ANAPC16: variants seen among roughly 807,000 people sequenced by gnomAD.
ANAPC16 encodes the protein anaphase-promoting complex subunit 16.
ANAPC16 carries 6 observed loss-of-function variants against 13.1 expected under a neutral mutation model. The observed-to-expected ratio is 0.46, with a 90% CI of 0.25 to 0.90. The LOEUF (loss-of-function observed/expected upper bound fraction) is 0.90, where lower values mean the gene tolerates loss of function less well. Among genes scored for constraint, ANAPC16 ranks in the 40% least tolerant of loss-of-function variants. The pLI is 0.18. For missense variants in ANAPC16, 113 were observed against 131.1 expected (o/e 0.86, Z 0.67); for synonymous variants, 55 against 51.3 (o/e 1.07, Z -0.31).
At chr10:72,232,546 A>G (rs1470455936) in intron 3 of ANAPC16, among the ~76,000 whole-genome samples, 1 of 83,656 alleles carries the variant, frequency 1.2e-5, no homozygotes. Context: ...TCCATTCCCC[A>G]CCCCCACCCC....
At chr10:72,221,430 A>ATAGGT (rs1859926926) in intron 1 of ANAPC16, among the ~76,000 whole-genome samples, 2 of 151,992 alleles carry the variant, frequency 1.3e-5, no homozygotes, top group South Asian at 4.1e-4. Flanking sequence ...ACACCAGTTT[A>ATAGGT]TAGGTGCAAC....
chr10:72,224,431 G>A (rs1860051559), intron 2 of ANAPC16, among the ~76,000 whole-genome samples: 1 of 152,068 alleles, frequency 6.6e-6, no homozygotes, highest in Non-Finnish European at 1.5e-5. Flanking sequence ...TGGCCAACAT[G>A]GTGAAACCCC....
At chr10:72,223,360 C>T (rs1860014963) in intron 1 of ANAPC16, 1 of 152,176 alleles carries the variant, frequency 6.6e-6, no homozygotes, top group Non-Finnish European at 1.5e-5. Context: ...GCCACCGTGC[C>T]TGGCCAAAAG....
rs553895367 is a variant in ANAPC16 at position 72,225,770 on chromosome 10, C to T, written c.142+1714C>T. On this transcript the variant is annotated intron_variant, in intron 2 of 3. Transcript: ENST00000299381. The stretch of plus-strand genomic sequence containing the variant: ...CAAAAAAATTAGCTGGATGTGGTGG[C>T]GCATGCCTGTAGTCCAGCTACTCAG... Among the ~76,000 whole-genome samples the T allele has an allele frequency of 3.3e-5, 5 of 151,750 alleles. No homozygotes were observed. The East Asian group carries it at 7.9e-4, about 24-fold the overall frequency.
At chr10:72,230,525 A>G in intron 3 of ANAPC16, 85 bp downstream of exon 3, 1 of 1,148,150 alleles carries the variant, frequency 8.7e-7, no homozygotes, top group Non-Finnish European at 1.3e-6. Context: ...CCCCAAACTC[A>G]GCAAGGCTAT....
chr10:72,219,714 G>A (rs1859826377), intron 1 of ANAPC16, among the ~76,000 whole-genome samples: 1 of 152,162 alleles, frequency 6.6e-6, no homozygotes, highest in African/African-American at 2.4e-5. Flanking sequence ...TCCAGCCTGG[G>A]AAACATAGCG....
At position 72,223,897 on chromosome 10, in the gene ANAPC16, A is replaced by G. The variant is rs1209909757; in HGVS notation, c.-18A>G. ...TTTTCTTTCTCTGTAGTGAAGTAAG[A>G]ACTCTGCTAGAGAGGAAATGGCTGC... On this transcript the variant is annotated 5_prime_UTR_variant, in exon 2 of 4. Transcript: ENST00000299381. 6.4e-6 allele frequency: 10 copies of G among 1,568,548 alleles called. No homozygotes were observed. Among genetic ancestry groups the G allele is most frequent in the Non-Finnish European group, 7.8e-6 (9 of 1,149,888 alleles).
chr10:72,233,059 C>A lies in ANAPC16; in HGVS notation c.276C>A (p.Asp92Glu), dbSNP rs755407083. The A allele has an allele frequency of 1.2e-6, 2 of 1,614,188 alleles. No homozygotes were observed. The highest frequency in any genetic ancestry group is 1.7e-6 in the Non-Finnish European group (2 of 1,180,026). Reference protein sequence around the residue: ...LAGLVEELEADEWRFKPIEQL... With the variant: ...LAGLVEELEAEEWRFKPIEQL... ...GTTTGGTAGAAGAGCTGGAGGCTGA[C>A]GAGTGGCGGTTTAAGCCCATCGAGC... Residue 92 changes from aspartate to glutamate, a missense_variant, in exon 4 of 4, where the codon GAC becomes GAA. Transcript: ENST00000299381.
chr10:72,216,994 C>G (rs1859468681), intron 1 of ANAPC16: 1 of 455,168 alleles, frequency 2.2e-6, no homozygotes, highest in African/African-American at 2.0e-5. Context: ...CAGCGCTTCT[C>G]TATCTCCTGC....
intron 2 of ANAPC16, among the ~76,000 whole-genome samples, chr10:72,224,357 T>C (rs1860048916): frequency 6.6e-6 from 1 of 152,118 alleles, no homozygotes. Context: ...TCACTCCTGT[T>C]ATCCCAGCAC....
rs771004110 is a variant in ANAPC16 at position 72,230,368 on chromosome 10, G to A, written c.145G>A (p.Gly49Ser). The A allele has an allele frequency of 4.9e-5, 79 of 1,613,702 alleles. No individual in the cohort carries two copies. The highest frequency in any genetic ancestry group is 6.4e-5 in the Non-Finnish European group (76 of 1,179,796). ...PKGAGEMLED[G>S]SERFLCESVF... ...ACCTTTTCTCCTTTTGTTTGTAGAT[G>A]GCTCTGAGAGATTCCTCTGCGAATC... The change falls in exon 3 of 4, where the codon GGC becomes AGC. Residue 49 changes from glycine to serine, a missense_variant and splice_region_variant. Transcript: ENST00000299381.
chr10:72,222,034 TC>T (rs1859956208), intron 1 of ANAPC16, among the ~76,000 whole-genome samples: 1 of 151,252 alleles, frequency 6.6e-6, no homozygotes, highest in Admixed American at 6.6e-5. Context: ...GGCCATTTTT[TC>T]TTTAAAAAAT....
rs1859722174 is a variant in ANAPC16, at chr10:72,218,168, ATATATATATATATATATATATAT to A, written c.-28+2031_-28+2053del. Among the ~76,000 whole-genome samples, 19 of 19,742 alleles carry A rather than the reference ATATATATATATATATATATATAT, an allele frequency of 9.6e-4. 1 individual carries two copies. Among genetic ancestry groups the A allele is most frequent in the African/African-American group, 2.3e-3 (11 of 4,800 alleles). The allele number at this position is 19,742 out of a possible 152,430, so 13.0% of individuals were successfully genotyped here. A position where few individuals can be genotyped will look rare whatever the true frequency, so the allele number is the denominator to read the frequency against. On this transcript the variant is annotated intron_variant, in intron 1 of 3. Coordinates refer to ENST00000299381, the MANE Select transcript of ANAPC16 (RefSeq NM_173473.4). The stretch of plus-strand genomic sequence containing the variant: ...CTCAAAAAAAAAAAAAAAAAAAAAT[ATATATATATATATATATATATAT>A]ATATATATATATATATATATATATA...
chr10:72,229,228 CTT>C (rs201528335), intron 2 of ANAPC16, among the ~76,000 whole-genome samples: 5 of 122,860 alleles, frequency 4.1e-5, no homozygotes, highest in Non-Finnish European at 5.3e-5. Context: ...TTCTTTTTCT[CTT>C]TTTTTTTTTT....
intron 1 of ANAPC16, chr10:72,217,029 C>T (rs1317932759): frequency 2.2e-6 from 1 of 454,482 alleles, no homozygotes; most frequent in Non-Finnish European, 4.4e-6. Context: ...GCTGCTCGCC[C>T]TGCGTTCTGT....
intron 1 of ANAPC16, among the ~76,000 whole-genome samples, chr10:72,217,392 G>C (rs915053837): frequency 2.6e-5 from 4 of 151,206 alleles, no homozygotes; most frequent in Non-Finnish European, 5.9e-5. Flanking sequence ...GGAGAATGGC[G>C]TGAACCCAGG....
Position 72,234,714 on chromosome 10 carries a change from G to A in ANAPC16, c.*1598G>A, listed in dbSNP as rs1039466863. On this transcript the variant is annotated 3_prime_UTR_variant, in exon 4 of 4. Coordinates refer to ENST00000299381, the MANE Select transcript of ANAPC16 (RefSeq NM_173473.4). ...GTTTAACACATTCTACCTGACGGGA[G>A]GTGGTGACCTCATTCAGTCGGTTAA... The A allele has an allele frequency of 1.3e-5, 2 of 152,174 alleles. No individual in the cohort carries two copies. The highest frequency in any genetic ancestry group is 4.8e-5 in the African/African-American group (2 of 41,438). The allele number at this position is 152,174 out of a possible 1,614,324, so 9.4% of individuals were successfully genotyped here.
At chr10:72,231,253 C>A (rs1860291875) in intron 3 of ANAPC16, among the ~76,000 whole-genome samples, 1 of 151,922 alleles carries the variant, frequency 6.6e-6, no homozygotes, top group Non-Finnish European at 1.5e-5. Flanking sequence ...CAGAGCACAT[C>A]CAGGCCGGGT....
intron 3 of ANAPC16, 144 bp from the exon 4 acceptor site, chr10:72,232,857 G>A (rs1461402055): frequency 2.5e-5 from 16 of 633,092 alleles, no homozygotes; most frequent in Non-Finnish European, 4.5e-5. Context: ...GCCCGCCTCG[G>A]CCTCCCAAAG....
Sources: allele counts gnomAD v4.1 joint callset (sites outside exome capture counted in the v4.1 genomes callset), GRCh38; gene constraint gnomAD v4.1.1; transcripts MANE v1.5; gene names NCBI Gene and HGNC (gene_info 2026-07-23, HGNC 2026-07-21).